The following MACROD1 variants were observed in gnomAD, a reference collection of about 807,000 sequenced individuals.
The protein encoded by MACROD1 is mono-ADP ribosylhydrolase 1.
MACROD1 carries 31 observed loss-of-function variants against 41.4 expected under a neutral mutation model. The observed-to-expected ratio is 0.75, with a 90% CI of 0.56 to 1.01. The LOEUF (loss-of-function observed/expected upper bound fraction) is 1.01, where lower values mean the gene tolerates loss of function less well. Ranked by LOEUF, MACROD1 falls within the 50% of genes least tolerant of loss-of-function variation. The pLI is 0.00. For synonymous variants in MACROD1, 252 were observed against 203.4 expected, an observed-to-expected ratio of 1.24 and a Z score of -2.03; for missense variants, 473 against 460.0, an observed-to-expected ratio of 1.03 and a Z score of -0.26.
At chr11:64,069,301 G>A (rs1944062744) in intron 3 of MACROD1, among the ~76,000 whole-genome samples, 3 of 152,216 alleles carry the variant, frequency 2.0e-5, no homozygotes, top group African/African-American at 7.2e-5. Flanking sequence ...TGCCAGGCCT[G>A]GATGAGGCAC....
intron 3 of MACROD1, among the ~76,000 whole-genome samples, chr11:64,015,676 T>C (rs1943071699): frequency 6.6e-6 from 1 of 152,036 alleles, no homozygotes; most frequent in Non-Finnish European, 1.5e-5. Context: ...AAAGGACAGG[T>C]CCCCTTCCCC....
intron 3 of MACROD1, among the ~76,000 whole-genome samples, chr11:64,048,400 G>A (rs1347503650): frequency 6.6e-6 from 1 of 152,194 alleles, no homozygotes; most frequent in Non-Finnish European, 1.5e-5. Flanking sequence ...GGGCCTCCCG[G>A]GGAGGGTCTG....
At chr11:64,041,442 T>C (rs1355429378) in intron 3 of MACROD1, among the ~76,000 whole-genome samples, 1 of 144,756 alleles carries the variant, frequency 6.9e-6, no homozygotes, top group Non-Finnish European at 1.5e-5. Context: ...CTGGGGGAGG[T>C]CAGCCAGGGG....
chr11:64,036,741 C>T lies in MACROD1; in HGVS notation c.518-21460G>A, dbSNP rs1028649105. 6.6e-6 allele frequency among the ~76,000 whole-genome samples: 1 copy of T among 152,170 alleles called. No individual in the cohort carries two copies. Among genetic ancestry groups the T allele is most frequent in the African/African-American group, 2.4e-5 (1 of 41,440 alleles). On this transcript the variant is annotated intron_variant, in intron 3 of 10. Transcript: ENST00000255681. This position sits in a 1 kb window ranked among gnomAD's most constrained non-coding sequence, Gnocchi z 5.6. ...TGTGGACCGTCAGCCCTGAGCCGGG[C>T]GGGGGCTGGGGCCGTACACCTGGCG...
chr11:64,025,626 A>G (rs1489599807), intron 3 of MACROD1, among the ~76,000 whole-genome samples: 1 of 152,120 alleles, frequency 6.6e-6, no homozygotes, highest in Non-Finnish European at 1.5e-5. Flanking sequence ...AGTTTTGTAT[A>G]AACGGGAGCT....
At position 64,122,822 on chromosome 11, in the gene MACROD1, G is replaced by A. The variant is rs931147221; in HGVS notation, c.517+28417C>T. 1.3e-5 allele frequency among the ~76,000 whole-genome samples: 2 copies of A among 152,184 alleles called. No homozygotes were observed. Among genetic ancestry groups the A allele is most frequent in the African/African-American group, 4.8e-5 (2 of 41,432 alleles). On this transcript the variant is annotated intron_variant, in intron 3 of 10. Coordinates refer to ENST00000255681, the MANE Select transcript of MACROD1 (RefSeq NM_014067.4). This position sits in a 1 kb window ranked among gnomAD's most constrained non-coding sequence, Gnocchi z 4.0. ...GGGTTGGAGGGGCTGGTCAGGGCCTGAGCAGAGGACAGGCTGGGACCCAAG... is the reference window on the plus strand; with the variant it reads ...GGGTTGGAGGGGCTGGTCAGGGCCTAAGCAGAGGACAGGCTGGGACCCAAG...
At chr11:64,103,958 G>A (rs933007163) in intron 3 of MACROD1, 7 of 152,480 alleles carry the variant, frequency 4.6e-5, no homozygotes, top group African/African-American at 1.7e-4. Flanking sequence ...CGAGGCACCG[G>A]ATCCCCTCTC....
intron 4 of MACROD1, among the ~76,000 whole-genome samples, chr11:64,007,785 C>T (rs1180136306): frequency 6.6e-6 from 1 of 152,226 alleles, no homozygotes; most frequent in Non-Finnish European, 1.5e-5. Flanking sequence ...ACAACACCCA[C>T]CAGACTGGCA....
chr11:64,133,750 G>A (rs1011853355), intron 3 of MACROD1, among the ~76,000 whole-genome samples: 2 of 152,158 alleles, frequency 1.3e-5, no homozygotes, highest in Non-Finnish European at 2.9e-5. Context: ...CGGGTGACTT[G>A]TAGGACCCTA....
intron 3 of MACROD1, among the ~76,000 whole-genome samples, chr11:64,137,645 C>T (rs1390541593): frequency 1.3e-5 from 2 of 152,196 alleles, no homozygotes; most frequent in African/African-American, 4.8e-5. Flanking sequence ...AAGTAGCCAT[C>T]GAGAGTGTAA....
intron 1 of MACROD1, among the ~76,000 whole-genome samples, chr11:64,161,461 T>C (rs1459609359): frequency 1.3e-5 from 2 of 152,210 alleles, no homozygotes; most frequent in Non-Finnish European, 2.9e-5. Flanking sequence ...TTGCATACAC[T>C]GTGCACTGAA....
intron 3 of MACROD1, among the ~76,000 whole-genome samples, chr11:64,101,282 T>C (rs985741090): frequency 1.3e-5 from 2 of 152,092 alleles, no homozygotes; most frequent in Non-Finnish European, 2.9e-5. Context: ...TGGAGACTAC[T>C]GTAGGAGCAC....
chr11:64,083,400 C>G (rs967229627), intron 3 of MACROD1, among the ~76,000 whole-genome samples: 2 of 152,218 alleles, frequency 1.3e-5, no homozygotes, highest in African/African-American at 4.8e-5. Flanking sequence ...TGCACCACTG[C>G]ACTCCAGCCT....
chr11:64,024,356 C>G (rs1943197752), intron 3 of MACROD1, among the ~76,000 whole-genome samples: 1 of 152,232 alleles, frequency 6.6e-6, no homozygotes, highest in Non-Finnish European at 1.5e-5. Flanking sequence ...CCCACAAGAG[C>G]CCGTTGAGGG....
intron 1 of MACROD1, among the ~76,000 whole-genome samples, chr11:64,156,267 C>G (rs777658814): frequency 6.6e-6 from 1 of 152,170 alleles, no homozygotes; most frequent in Non-Finnish European, 1.5e-5. Flanking sequence ...CCCAACAGAG[C>G]GAGACCTTGT....
intron 3 of MACROD1, among the ~76,000 whole-genome samples, chr11:64,098,215 C>T (rs6591834): frequency 0.12 from 18,753 of 152,198 alleles, 3,176 homozygotes; most frequent in African/African-American, 0.38. Flanking sequence ...CCCCCCTGCC[C>T]TTGTACAAAG....
At chr11:64,063,897 C>T (rs995104180) in intron 3 of MACROD1, among the ~76,000 whole-genome samples, 1 of 152,218 alleles carries the variant, frequency 6.6e-6, no homozygotes, top group African/African-American at 2.4e-5. Flanking sequence ...TGGAGGGGGA[C>T]CAGCCGGGCC....
chr11:64,130,437 C>T (rs1341599578), intron 3 of MACROD1, among the ~76,000 whole-genome samples: 1 of 152,146 alleles, frequency 6.6e-6, no homozygotes, highest in East Asian at 1.9e-4. Flanking sequence ...CTTCTCCTGC[C>T]CCTACTTCCC....
chr11:64,160,972 G>A (rs765658753), intron 1 of MACROD1, among the ~76,000 whole-genome samples: 3 of 152,034 alleles, frequency 2.0e-5, no homozygotes, highest in Non-Finnish European at 2.9e-5. Context: ...AGTATTTTGA[G>A]ACCAGCCTGG....
Sources: gnomAD v4.1 joint callset for allele counts (sites outside exome capture counted in the v4.1 genomes callset) on GRCh38, gnomAD v4.1.1 for gene constraint, Gnocchi (gnomAD v3.1) non-coding constraint, MANE v1.5 for transcripts, NCBI Gene and HGNC (gene_info 2026-07-23, HGNC 2026-07-21) for gene names.